Variants in DSCAM observed in about 807,000 individuals in gnomAD.
The protein encoded by DSCAM is DS cell adhesion molecule, also known as cell adhesion molecule DSCAM.
A neutral mutation model predicts 217.7 loss-of-function variants in DSCAM; 47 were observed. The ratio of observed to expected loss-of-function variants is 0.22; its 90% CI spans 0.17 to 0.28. The LOEUF (loss-of-function observed/expected upper bound fraction) is 0.28. Among genes scored for constraint, DSCAM ranks in the 10% least tolerant of loss-of-function variants. The pLI is 1.00. For missense variants in DSCAM, 2,080 were observed against 2,618.3 expected (o/e 0.79, Z 4.49); for synonymous variants, 1,056 against 1,015.3 (o/e 1.04, Z -0.76).
chr21:40,552,281 T>A (rs2076636441), intron 3 of DSCAM, among the ~76,000 whole-genome samples: 1 of 151,410 alleles, frequency 6.6e-6, no homozygotes, highest in African/African-American at 2.4e-5. Flanking sequence ...ACCACTATAC[T>A]CCAGCTTGGG....
At chr21:40,339,006 G>A in intron 7 of DSCAM, 113 bp downstream of exon 7, 1 of 1,324,796 alleles carries the variant, frequency 7.5e-7, no homozygotes, top group African/African-American at 1.5e-5. Context: ...GAAATGGGAA[G>A]CAACAGTTAA....
rs548522296 is a variant in DSCAM, at chr21:40,574,144, G to A, written c.508+118666C>T. On this transcript the variant is annotated intron_variant, in intron 3 of 32. Coordinates refer to ENST00000400454, the MANE Select transcript of DSCAM (RefSeq NM_001389.5). ...CCCAAATGACTTTCTGAGACTGCAC[G>A]ACCCAGATATTAAACCTACAAAAAA... Among the ~76,000 whole-genome samples, 25 of 151,708 alleles carry A rather than the reference G, an allele frequency of 1.6e-4. 1 individual carries two copies. Among genetic ancestry groups the A allele is most frequent in the African/African-American group, 5.6e-4 (23 of 41,398 alleles).
Position 40,042,360 on chromosome 21 carries a change from T to G in DSCAM, c.5686+11A>C. The G allele has an allele frequency of 3.1e-6, 5 of 1,611,340 alleles. No individual in the cohort carries two copies. The highest frequency in any genetic ancestry group is 4.2e-6 in the Non-Finnish European group (5 of 1,178,324). Reference sequence around the variant, plus strand: ...CTAAGCGACGGCCCCCAGGTGGCCTTGCTCACCTACCTGGCCGATGTGCCT... The same window carrying G: ...CTAAGCGACGGCCCCCAGGTGGCCTGGCTCACCTACCTGGCCGATGTGCCT... On this transcript the variant is annotated intron_variant, in intron 32 of 32. Transcript: ENST00000400454.
At chr21:40,120,356 G>A (rs1016518563) in intron 20 of DSCAM, among the ~76,000 whole-genome samples, 1 of 152,162 alleles carries the variant, frequency 6.6e-6, no homozygotes, top group Non-Finnish European at 1.5e-5. Context: ...AATGAGATTA[G>A]CATTGTGAAA....
chr21:40,713,326 T>A lies in DSCAM; in HGVS notation c.44-4555A>T, dbSNP rs528075354. 1.2e-3 allele frequency among the ~76,000 whole-genome samples: 176 copies of A among 152,306 alleles called. 1 individual carries two copies. The highest frequency in any genetic ancestry group is 4.1e-3 in the African/African-American group (170 of 41,562). On this transcript the variant is annotated intron_variant, in intron 1 of 32. Transcript: ENST00000400454. Reference sequence around the variant, plus strand: ...AAGTTTATCAGTATAAACACAGTGGTCAATGACACACAATCCTGCAGGGCA... The same window carrying A: ...AAGTTTATCAGTATAAACACAGTGGACAATGACACACAATCCTGCAGGGCA...
intron 11 of DSCAM, among the ~76,000 whole-genome samples, chr21:40,263,564 T>C (rs1485402191): frequency 6.6e-6 from 1 of 152,158 alleles, no homozygotes; most frequent in Non-Finnish European, 1.5e-5. Flanking sequence ...GCAAAAGCAT[T>C]GCTAAGAGGA....
At chr21:40,056,055 A>G (rs1164642052) in intron 28 of DSCAM, among the ~76,000 whole-genome samples, 1 of 152,226 alleles carries the variant, frequency 6.6e-6, no homozygotes, top group Non-Finnish European at 1.5e-5. Context: ...GTTTCAGAAA[A>G]TACAAATTGT....
At chr21:40,717,970 A>T (rs1433367848) in intron 1 of DSCAM, among the ~76,000 whole-genome samples, 1 of 152,212 alleles carries the variant, frequency 6.6e-6, no homozygotes, top group African/African-American at 2.4e-5. Context: ...AGTCTAGGCC[A>T]GCTGGGCATT....
At chr21:40,165,152 T>C (rs2146768200) in intron 16 of DSCAM, among the ~76,000 whole-genome samples, 1 of 152,336 alleles carries the variant, frequency 6.6e-6, no homozygotes. Context: ...GGCTCCCTCT[T>C]TGGGGCTAAC....
chr21:40,672,661 A>G (rs1360633133), intron 3 of DSCAM, among the ~76,000 whole-genome samples: 1 of 152,138 alleles, frequency 6.6e-6, no homozygotes, highest in Non-Finnish European at 1.5e-5. Flanking sequence ...AGAGTGCCTA[A>G]AGGGCTTTGC....
chr21:40,097,965 AGAAAGAAAGAAAGAAAGAAAGAAAG>A (rs2089702401), intron 20 of DSCAM, among the ~76,000 whole-genome samples: 3 of 57,950 alleles, frequency 5.2e-5, no homozygotes, highest in Admixed American at 2.2e-4. Context: ...AAAGAAAGAA[AGAAAGAAAGAAAGAAAGAAAGAAAG>A]AAAGAAAGAA....
At chr21:40,289,558 A>G (rs2073866003) in intron 10 of DSCAM, among the ~76,000 whole-genome samples, 1 of 152,204 alleles carries the variant, frequency 6.6e-6, no homozygotes, top group South Asian at 2.1e-4. Flanking sequence ...GAGTATAGAC[A>G]CATAAGATAT....
intron 2 of DSCAM, among the ~76,000 whole-genome samples, chr21:40,700,336 T>C (rs556702914): frequency 1.2e-4 from 18 of 152,316 alleles, no homozygotes; most frequent in African/African-American, 3.1e-4. Context: ...AGGATTTTCG[T>C]AGTTGCTTTT....
Position 40,296,108 on chromosome 21 carries a change from T to C in DSCAM, c.2129A>G (p.Asn710Ser), listed in dbSNP as rs747593717. ...TACAGGGTAACCCTCAGCAGAACAA[T>C]TGAGGATGACTGCTTTGCCATAAAT... ...DGIYGKAVIL[N>S]CSAEGYPVPT... The change falls in exon 10 of 33, where the codon AAT (asparagine) becomes AGT (serine). Residue 710 changes from asparagine to serine, a missense_variant. Physicochemically the swap from Asn to Ser is conservative, Grantham distance 46 (BLOSUM62 1). Around this residue, in one of 5 missense-constraint regions of DSCAM, gnomAD observed 218 missense variants for 364.1 expected, o/e 0.60. Transcript: ENST00000400454. 2.3e-5 allele frequency: 37 copies of C among 1,613,878 alleles called. No individual in the cohort carries two copies. The highest frequency in any genetic ancestry group is 2.6e-5 in the Non-Finnish European group (31 of 1,179,922).
intron 1 of DSCAM, among the ~76,000 whole-genome samples, chr21:40,796,408 G>A (rs149024394): frequency 4.8e-4 from 73 of 152,328 alleles, no homozygotes; most frequent in African/African-American, 1.7e-3. Flanking sequence ...CGTAATGTGA[G>A]CACAAAATAA....
chr21:40,704,100 T>C (rs551646024), intron 2 of DSCAM, among the ~76,000 whole-genome samples: 38 of 152,322 alleles, frequency 2.5e-4, no homozygotes, highest in African/African-American at 8.9e-4. Flanking sequence ...GTAAGTTCTA[T>C]GCATAATGGC....
chr21:40,836,902 T>G (rs2092061604), intron 1 of DSCAM, among the ~76,000 whole-genome samples: 1 of 152,186 alleles, frequency 6.6e-6, no homozygotes, highest in African/African-American at 2.4e-5. Flanking sequence ...CTTTCCAAAC[T>G]ACAGCCCATT....
chr21:40,100,704 G>C (rs576175514), intron 20 of DSCAM, among the ~76,000 whole-genome samples: 1 of 151,606 alleles, frequency 6.6e-6, no homozygotes, highest in Non-Finnish European at 1.5e-5. Context: ...AAACACTGCG[G>C]TATAAAGAAG....
intron 3 of DSCAM, among the ~76,000 whole-genome samples, chr21:40,378,036 A>G (rs1037147608): frequency 6.6e-6 from 1 of 152,340 alleles, no homozygotes; most frequent in Middle Eastern, 3.4e-3. Flanking sequence ...ACCAATAAAA[A>G]TATTAAGTGT....
Sources: allele counts gnomAD v4.1 joint callset (sites outside exome capture counted in the v4.1 genomes callset), GRCh38; gene constraint gnomAD v4.1.1; regional missense constraint gnomAD v4.1.1; transcripts MANE v1.5; gene names NCBI Gene and HGNC (gene_info 2026-07-23, HGNC 2026-07-21).